Variants in CFAP57 observed in about 807,000 individuals in gnomAD.
CFAP57 encodes the protein cilia- and flagella-associated protein 57.
In CFAP57, 116 loss-of-function variants were observed where a neutral mutation model predicts 146.8. The ratio of observed to expected loss-of-function variants is 0.79; its 90% CI spans 0.68 to 0.92. CFAP57 has a LOEUF of 0.92. CFAP57 is among the 40% of genes least tolerant of loss of function. The probability of loss-of-function intolerance (pLI) is 0.00; values close to 1 mark genes in which losing one functional copy is unlikely to be tolerated. For missense variants in CFAP57, 1,377 were observed against 1,527.2 expected, an observed-to-expected ratio of 0.90 and a Z score of 1.64; for synonymous variants, 518 against 552.8, an observed-to-expected ratio of 0.94 and a Z score of 0.88.
intron 13 of CFAP57, among the ~76,000 whole-genome samples, chr1:43,220,603 A>G (rs1318113664): frequency 6.6e-6 from 1 of 152,148 alleles, no homozygotes; most frequent in Non-Finnish European, 1.5e-5. Flanking sequence ...ATCTGCCTGT[A>G]GTTCTAGCTA....
At chr1:43,193,315 CA>C (rs1643661231) in intron 6 of CFAP57, among the ~76,000 whole-genome samples, 1 of 152,056 alleles carries the variant, frequency 6.6e-6, no homozygotes, top group South Asian at 2.1e-4. Context: ...TCCAGTCTGA[CA>C]ATCTCTTTTG....
At chr1:43,228,284 T>G (rs1645333807) in intron 18 of CFAP57, among the ~76,000 whole-genome samples, 1 of 152,268 alleles carries the variant, frequency 6.6e-6, no homozygotes, top group African/African-American at 2.4e-5. Flanking sequence ...TCTGCAGTGC[T>G]GCTGCCTCTG....
chr1:43,186,484 G>A (rs538432151), intron 5 of CFAP57, among the ~76,000 whole-genome samples: 2 of 151,954 alleles, frequency 1.3e-5, no homozygotes, highest in East Asian at 1.9e-4. Flanking sequence ...GGTGGTGGGC[G>A]GCTGTTGTCC....
At chr1:43,241,769 G>C (rs1397919825) in intron 21 of CFAP57, among the ~76,000 whole-genome samples, 1 of 152,122 alleles carries the variant, frequency 6.6e-6, no homozygotes, top group East Asian at 1.9e-4. Context: ...AGTCAGAGGG[G>C]CATCTAACAA....
chr1:43,238,791 A>G lies in CFAP57; in HGVS notation c.3405+4153A>G, dbSNP rs998537183. Among the ~76,000 whole-genome samples the G allele has an allele frequency of 2.6e-5, 4 of 152,228 alleles. No homozygotes were observed. In the East Asian group the frequency reaches 5.8e-4, roughly 22 times the overall value. On this transcript the variant is annotated intron_variant, in intron 21 of 22. Coordinates refer to ENST00000372492, the MANE Select transcript of CFAP57 (RefSeq NM_001378189.1). This position sits in a 1 kb window ranked among gnomAD's most constrained non-coding sequence, Gnocchi z 4.3. Reference sequence around the variant, plus strand: ...TGAGGGGGGACAGCAGAGCCTGGAAAGCAGTAGTCACGGAGGAGCAGGGCT... The same window carrying G: ...TGAGGGGGGACAGCAGAGCCTGGAAGGCAGTAGTCACGGAGGAGCAGGGCT...
At chr1:43,232,093 A>G (rs544587175) in intron 18 of CFAP57, 6 of 701,668 alleles carry the variant, frequency 8.6e-6, no homozygotes, top group Admixed American at 6.0e-5. Flanking sequence ...GTGGCCCCAG[A>G]GGGTCGAGAT....
chr1:43,220,243 A>G (rs976105604), intron 13 of CFAP57, among the ~76,000 whole-genome samples: 1 of 152,252 alleles, frequency 6.6e-6, no homozygotes, highest in African/African-American at 2.4e-5. Flanking sequence ...TTTTAAAACA[A>G]AATGAAACGA....
chr1:43,223,975 C>A, intron 16 of CFAP57, 71 bp from the exon 17 acceptor site: 1 of 1,530,038 alleles, frequency 6.5e-7, no homozygotes, highest in Non-Finnish European at 8.8e-7. Context: ...GCCCCTTACA[C>A]TGAGACAGTG....
chr1:43,233,647 A>G (rs573991242), intron 19 of CFAP57, among the ~76,000 whole-genome samples: 22 of 152,322 alleles, frequency 1.4e-4, no homozygotes, highest in African/African-American at 5.3e-4. Flanking sequence ...TGGCATGTGC[A>G]TAATAGTTAT....
In CFAP57 at chr1:43,245,596, A is replaced by G. The variant is rs147444756; in HGVS notation, c.3538+2237A>G. ...GAGTGGTGAACCTAGAAGAAATCCA[A>G]TGTATGCCACAAAACCCTCAAAAGG... On this transcript the variant is annotated intron_variant, in intron 22 of 22. Coordinates refer to ENST00000372492, the MANE Select transcript of CFAP57 (RefSeq NM_001378189.1). Among the ~76,000 whole-genome samples, 404 of 152,298 alleles carry G rather than the reference A, an allele frequency of 2.7e-3. 2 individuals carry two copies. The highest frequency in any genetic ancestry group is 0.014 in the South Asian group (68 of 4,822).
chr1:43,188,614 A>G (rs1643302453), intron 6 of CFAP57, among the ~76,000 whole-genome samples: 1 of 152,148 alleles, frequency 6.6e-6, no homozygotes, highest in Admixed American at 6.5e-5. Flanking sequence ...AAATTGAGTC[A>G]TATGTCTTTT....
At position 43,254,328 on chromosome 1, in the gene CFAP57, T is replaced by C. The variant is rs1646390053; in HGVS notation, c.*137T>C. 1 of 766,164 alleles carries C rather than the reference T, an allele frequency of 1.3e-6. No individual in the cohort carries two copies. The highest frequency in any genetic ancestry group is 2.9e-5 in the Admixed American group (1 of 34,152). 47.5% of individuals were successfully genotyped at this position (766,164 alleles called of 1,614,324 possible). ...ACCTCTTTCTCTTGCCCTGGGGAATTTGGGACACAGAATAAAGGTGTTTGC... is the reference window on the plus strand; with the variant it reads ...ACCTCTTTCTCTTGCCCTGGGGAATCTGGGACACAGAATAAAGGTGTTTGC... On this transcript the variant is annotated 3_prime_UTR_variant, in exon 23 of 23. Coordinates refer to ENST00000372492, the MANE Select transcript of CFAP57 (RefSeq NM_001378189.1).
intron 6 of CFAP57, among the ~76,000 whole-genome samples, chr1:43,193,661 T>C (rs1179801609): frequency 6.6e-6 from 1 of 152,032 alleles, no homozygotes; most frequent in Non-Finnish European, 1.5e-5. Context: ...ATGGTAATAT[T>C]GTTATATATA....
At chr1:43,248,382 A>G (rs948174698) in intron 22 of CFAP57, among the ~76,000 whole-genome samples, 1 of 149,628 alleles carries the variant, frequency 6.7e-6, no homozygotes, top group Non-Finnish European at 1.5e-5. Flanking sequence ...CAGTGGCGCA[A>G]TCTCGGCTCA....
At chr1:43,235,945 G>C (rs1345647682) in intron 21 of CFAP57, among the ~76,000 whole-genome samples, 1 of 152,218 alleles carries the variant, frequency 6.6e-6, no homozygotes, top group Non-Finnish European at 1.5e-5. Flanking sequence ...GATGTAGGAG[G>C]AGGAAGATCA....
intron 11 of CFAP57, among the ~76,000 whole-genome samples, chr1:43,214,322 G>A (rs751272923): frequency 1.9e-4 from 29 of 152,160 alleles, no homozygotes; most frequent in African/African-American, 5.6e-4. Flanking sequence ...TCGACAGGTC[G>A]TCTCTTCAGT....
intron 12 of CFAP57, among the ~76,000 whole-genome samples, chr1:43,219,020 G>A (rs995436302): frequency 6.6e-6 from 1 of 152,182 alleles, no homozygotes; most frequent in South Asian, 2.1e-4. Flanking sequence ...AAGATCTAAG[G>A]AAATAAGAAG....
At chr1:43,244,084 A>G (rs1308256468) in intron 22 of CFAP57, among the ~76,000 whole-genome samples, 2 of 152,360 alleles carry the variant, frequency 1.3e-5, no homozygotes, top group South Asian at 4.1e-4. Flanking sequence ...TGGAGTAACA[A>G]TGAACAGCCT....
At chr1:43,180,034 C>G (rs1186450143) in intron 2 of CFAP57, among the ~76,000 whole-genome samples, 3 of 151,634 alleles carry the variant, frequency 2.0e-5, no homozygotes, top group African/African-American at 4.9e-5. Context: ...TGGAGAAACC[C>G]TGTCTCTACT....
Sources: gnomAD v4.1 joint callset for allele counts (sites outside exome capture counted in the v4.1 genomes callset) on GRCh38, gnomAD v4.1.1 for gene constraint, Gnocchi (gnomAD v3.1) non-coding constraint, MANE v1.5 for transcripts, NCBI Gene and HGNC (gene_info 2026-07-23, HGNC 2026-07-21) for gene names.